Variants in EDC3 observed in about 807,000 individuals in gnomAD.
The protein encoded by EDC3 is enhancer of mRNA decapping 3, also known as enhancer of mRNA-decapping protein 3.
Under a neutral mutation model 41.8 loss-of-function variants are expected in EDC3, and 20 were observed. That is an observed-to-expected ratio of 0.48 (90% CI 0.34 to 0.70). EDC3 has a LOEUF of 0.70. Among genes scored for constraint, EDC3 ranks in the 30% least tolerant of loss-of-function variants. EDC3 has a pLI of 0.01. For missense variants in EDC3, 444 were observed against 636.8 expected, an observed-to-expected ratio of 0.70 and a Z score of 3.26; for synonymous variants, 206 against 243.2, an observed-to-expected ratio of 0.85 and a Z score of 1.42.
intron 1 of EDC3, among the ~76,000 whole-genome samples, chr15:74,678,553 T>C (rs968368428): frequency 5.9e-5 from 9 of 152,082 alleles, no homozygotes; most frequent in African/African-American, 1.9e-4. Flanking sequence ...TCCAACATTT[T>C]AGGAAAAAAA....
intron 4 of EDC3, among the ~76,000 whole-genome samples, chr15:74,650,300 G>C (rs149801017): frequency 6.6e-6 from 1 of 152,188 alleles, no homozygotes; most frequent in Non-Finnish European, 1.5e-5. Context: ...CTATATTTTA[G>C]TTCCTTCTAC....
Position 74,671,716 on chromosome 15 carries a change from G to A in EDC3, c.223C>T (p.His75Tyr). 6.2e-7 allele frequency: 1 copy of A among 1,614,158 alleles called. No homozygotes were observed. The highest frequency in any genetic ancestry group is 8.5e-7 in the Non-Finnish European group (1 of 1,180,036). Residue 75 changes from histidine (H) to tyrosine (Y), a missense_variant, in exon 3 of 7, where the codon CAT becomes TAT. This residue lies in a region of EDC3 where 200 missense variants were observed against 244.0 expected (regional missense o/e 0.82). Coordinates refer to ENST00000315127, the MANE Select transcript of EDC3 (RefSeq NM_025083.5). The surrounding 1 kb of genome is among the most constrained non-coding windows in gnomAD (Gnocchi z 4.6). The part of the protein sequence containing the change: ...LEIPGPGDNQ[H>Y]FGDLHQTELG... ...TCTGTTTGATGAAGGTCTCCAAAAT[G>A]TTGGTTGTCTCCAGGTCCTGGTATC...
At chr15:74,663,359 A>T (rs1336928548) in intron 3 of EDC3, among the ~76,000 whole-genome samples, 1 of 152,182 alleles carries the variant, frequency 6.6e-6, no homozygotes, top group Non-Finnish European at 1.5e-5. Context: ...TGCTTCTCTA[A>T]CCACTAGCCC....
At chr15:74,656,203 T>C in intron 3 of EDC3, 135 bp from the exon 4 acceptor site, 1 of 805,466 alleles carries the variant, frequency 1.2e-6, no homozygotes, top group Non-Finnish European at 1.9e-6. Flanking sequence ...TGCAAACTCA[T>C]ATTAAGTAGC....
intron 5 of EDC3, chr15:74,635,926 A>G (rs1356047288): frequency 2.5e-6 from 1 of 401,802 alleles, no homozygotes; most frequent in Non-Finnish European, 4.6e-6. Context: ...AACACTTAAT[A>G]GTTCCTCTGC....
chr15:74,694,508 G>A (rs1464274169), intron 1 of EDC3, among the ~76,000 whole-genome samples: 3 of 152,146 alleles, frequency 2.0e-5, no homozygotes, highest in African/African-American at 7.2e-5. Flanking sequence ...GTTTCACCAC[G>A]TTGCCCAGAC....
At chr15:74,670,345 GAGA>G (rs1445843515) in intron 3 of EDC3, among the ~76,000 whole-genome samples, 1 of 152,142 alleles carries the variant, frequency 6.6e-6, no homozygotes, top group Non-Finnish European at 1.5e-5. Flanking sequence ...AAATATGTTG[GAGA>G]AGAACAGTTC....
chr15:74,632,244 C>T lies in EDC3; in HGVS notation c.*368G>A, dbSNP rs1596295888. On this transcript the variant is annotated 3_prime_UTR_variant, in exon 7 of 7. Coordinates refer to ENST00000315127, the MANE Select transcript of EDC3 (RefSeq NM_025083.5). The surrounding 1 kb of genome is among the most constrained non-coding windows in gnomAD (Gnocchi z 4.0). ...GCTCTGAAATAGAGCAGGTACAGGC[C>T]CCCAGACAGGACCTGGCCCACTCTT... is the stretch of plus-strand genomic sequence containing the variant. 3.5e-6 allele frequency: 1 copy of T among 281,822 alleles called. No homozygotes were observed. The highest frequency in any genetic ancestry group is 2.2e-5 in the African/African-American group (1 of 46,388). 17.5% of individuals were successfully genotyped at this position (281,822 alleles called of 1,614,324 possible).
chr15:74,653,409 G>T (rs2062505422), intron 4 of EDC3, among the ~76,000 whole-genome samples: 1 of 152,132 alleles, frequency 6.6e-6, no homozygotes, highest in Non-Finnish European at 1.5e-5. Context: ...GTGAAAACCT[G>T]CTTGAGGATT....
intron 3 of EDC3, among the ~76,000 whole-genome samples, chr15:74,664,815 T>C (rs374405541): frequency 6.6e-6 from 1 of 152,176 alleles, no homozygotes; most frequent in Non-Finnish European, 1.5e-5. Flanking sequence ...GGTGGTGGGA[T>C]GACTGTTAAA....
At chr15:74,649,491 ACT>A (rs1183674590) in intron 4 of EDC3, among the ~76,000 whole-genome samples, 5 of 152,250 alleles carry the variant, frequency 3.3e-5, no homozygotes, top group Non-Finnish European at 7.4e-5. Context: ...ATGAACTATG[ACT>A]TACCCAGAGT....
intron 4 of EDC3, among the ~76,000 whole-genome samples, chr15:74,652,129 CA>C (rs1802006039): frequency 6.6e-6 from 1 of 152,204 alleles, no homozygotes; most frequent in Admixed American, 6.5e-5. Flanking sequence ...ATTGCTTTCA[CA>C]TCATCCTAGA....
At chr15:74,667,949 G>C (rs2062695673) in intron 3 of EDC3, among the ~76,000 whole-genome samples, 3 of 152,126 alleles carry the variant, frequency 2.0e-5, no homozygotes, top group African/African-American at 4.8e-5. Flanking sequence ...TTACAGAGGA[G>C]AAACTAGATA....
intron 6 of EDC3, among the ~76,000 whole-genome samples, chr15:74,633,727 A>T (rs2062239358): frequency 6.6e-6 from 1 of 152,230 alleles, no homozygotes; most frequent in Non-Finnish European, 1.5e-5. Context: ...CAGCTGGGAT[A>T]GGAAAACTTT....
chr15:74,686,551 G>A (rs937011100), intron 1 of EDC3, among the ~76,000 whole-genome samples: 9 of 151,888 alleles, frequency 5.9e-5, no homozygotes, highest in Non-Finnish European at 1.3e-4. Flanking sequence ...TTCAGAGGCC[G>A]AGGCAGGTGG....
intron 4 of EDC3, 68 bp downstream of exon 4, chr15:74,655,665 T>C: frequency 6.9e-7 from 1 of 1,446,312 alleles, no homozygotes; most frequent in Non-Finnish European, 9.3e-7. Flanking sequence ...AGAAGCCAGG[T>C]CTTTCTGTTT....
chr15:74,648,933 T>G (rs1024452083), intron 4 of EDC3, among the ~76,000 whole-genome samples: 1 of 152,198 alleles, frequency 6.6e-6, no homozygotes, highest in African/African-American at 2.4e-5. Flanking sequence ...GTCATTTTTT[T>G]TAAACGTTGA....
chr15:74,660,028 A>T (rs2141624555), intron 3 of EDC3, among the ~76,000 whole-genome samples: 1 of 151,084 alleles, frequency 6.6e-6, no homozygotes, highest in African/African-American at 2.4e-5. Flanking sequence ...CTGGTGACAG[A>T]GCGAGACTCT....
At chr15:74,693,268 A>C (rs2063028605) in intron 1 of EDC3, among the ~76,000 whole-genome samples, 1 of 152,212 alleles carries the variant, frequency 6.6e-6, no homozygotes, top group South Asian at 2.1e-4. Flanking sequence ...GGTGATTAAA[A>C]CATCACATCT....
Sources: allele counts gnomAD v4.1 joint callset (sites outside exome capture counted in the v4.1 genomes callset), GRCh38; gene constraint gnomAD v4.1.1; regional missense constraint gnomAD v4.1.1; non-coding constraint Gnocchi (gnomAD v3.1); transcripts MANE v1.5; gene names NCBI Gene and HGNC (gene_info 2026-07-23, HGNC 2026-07-21).